DCC: variants seen among roughly 807,000 people sequenced by gnomAD.
DCC encodes netrin receptor DCC.
DCC carries 58 observed loss-of-function variants against 172.5 expected under a neutral mutation model. That is an observed-to-expected ratio of 0.34 (90% CI 0.27 to 0.42). DCC has a LOEUF of 0.42. Among genes scored for constraint, DCC ranks in the 10% least tolerant of loss-of-function variants. The pLI, the probability that DCC is intolerant of heterozygous loss-of-function variation, is 1.00. For missense variants in DCC, 1,740 were observed against 1,791.0 expected, an observed-to-expected ratio of 0.97 and a Z score of 0.51; for synonymous variants, 709 against 644.5, an observed-to-expected ratio of 1.10 and a Z score of -1.52.
In DCC at chr18:52,540,827, T is replaced by C. The variant is rs544871246; in HGVS notation, c.91+199949T>C. Among the ~76,000 whole-genome samples, 462 of 152,024 alleles carry C rather than the reference T, an allele frequency of 3.0e-3. 5 individuals carry two copies. Among genetic ancestry groups the C allele is most frequent in the Non-Finnish European group, 1.2e-3 (80 of 67,938 alleles). On this transcript the variant is annotated intron_variant, in intron 1 of 28. Transcript: ENST00000442544. ...TTCACTGTGTTAGTCAGGATGGTCTTGATCTCCTGACTTCGTGATCCGCCC... is the reference window on the plus strand; with the variant it reads ...TTCACTGTGTTAGTCAGGATGGTCTCGATCTCCTGACTTCGTGATCCGCCC...
rs2046536367 is a variant in DCC, at chr18:53,532,764, T to A, written c.*2111T>A. 6.6e-6 allele frequency: 1 copy of A among 150,502 alleles called. No individual in the cohort carries two copies. Among genetic ancestry groups the A allele is most frequent in the African/African-American group, 2.5e-5 (1 of 40,790 alleles). The allele number at this position is 150,502 out of a possible 1,614,324, so 9.3% of individuals were successfully genotyped here. A position where few individuals can be genotyped will look rare whatever the true frequency, so the allele number is the denominator to read the frequency against. On this transcript the variant is annotated 3_prime_UTR_variant, in exon 29 of 29. Coordinates refer to ENST00000442544, the MANE Select transcript of DCC (RefSeq NM_005215.4). The stretch of plus-strand genomic sequence containing the variant: ...TGCTCAGTTTGGAATAGGTTGCAAA[T>A]CTCAGATTTTAGGGATTGAGTCACA...
chr18:53,028,969 G>C (rs564136272), intron 5 of DCC, among the ~76,000 whole-genome samples: 1 of 152,136 alleles, frequency 6.6e-6, no homozygotes, highest in Non-Finnish European at 1.5e-5. Flanking sequence ...AGTTTTAAGA[G>C]GGAGAAATGC....
chr18:52,921,413 C>A (rs948868693), intron 3 of DCC, among the ~76,000 whole-genome samples: 1 of 151,698 alleles, frequency 6.6e-6, no homozygotes, highest in Non-Finnish European at 1.5e-5. Flanking sequence ...GAGTGGAAAA[C>A]CTCAGCTGGG....
chr18:53,129,331 A>G (rs1267266059), intron 7 of DCC, among the ~76,000 whole-genome samples: 1 of 152,064 alleles, frequency 6.6e-6, no homozygotes, highest in East Asian at 1.9e-4. Context: ...TTGAGGCATA[A>G]TTAATATACA....
chr18:52,343,695 TATTA>T (rs1983755451), intron 1 of DCC, among the ~76,000 whole-genome samples: 1 of 152,186 alleles, frequency 6.6e-6, no homozygotes, highest in African/African-American at 2.4e-5. Context: ...GAGGCATACA[TATTA>T]ATTAATTCTT....
At chr18:52,701,709 A>G (rs2036125507) in intron 1 of DCC, among the ~76,000 whole-genome samples, 1 of 28,380 alleles carries the variant, frequency 3.5e-5, no homozygotes, top group Non-Finnish European at 7.6e-5. Flanking sequence ...TTTAATCTTT[A>G]TTATGTTGGA....
intron 1 of DCC, among the ~76,000 whole-genome samples, chr18:52,610,361 G>C (rs1488325238): frequency 9.9e-6 from 1 of 100,516 alleles, no homozygotes; most frequent in African/African-American, 4.0e-5. Flanking sequence ...GAATGGGTGA[G>C]AGAGCGAGAC....
intron 2 of DCC, among the ~76,000 whole-genome samples, chr18:52,765,139 T>C (rs989388778): frequency 1.3e-5 from 2 of 151,638 alleles, no homozygotes; most frequent in African/African-American, 4.8e-5. Context: ...AGCCAAGTAA[T>C]TCTCCTGCCT....
intron 1 of DCC, among the ~76,000 whole-genome samples, chr18:52,527,171 T>A (rs926156394): frequency 1.3e-5 from 2 of 152,310 alleles, no homozygotes; most frequent in Middle Eastern, 3.4e-3. Flanking sequence ...AAGAAAAAAT[T>A]ACTGAGAGGG....
At position 52,644,306 on chromosome 18, in the gene DCC, T is replaced by C. The variant is rs576840471; in HGVS notation, c.92-107748T>C. On this transcript the variant is annotated intron_variant, in intron 1 of 28. Coordinates refer to ENST00000442544, the MANE Select transcript of DCC (RefSeq NM_005215.4). ...AAAGTTAGTGTGTAGAGGCTGGGTGTGATGGCTCACGCCTGTAATCCCAGC... is the reference window on the plus strand; with the variant it reads ...AAAGTTAGTGTGTAGAGGCTGGGTGCGATGGCTCACGCCTGTAATCCCAGC... Among the ~76,000 whole-genome samples, 182 of 152,226 alleles carry C rather than the reference T, an allele frequency of 1.2e-3. 3 individuals carry two copies. The highest frequency in any genetic ancestry group is 4.3e-3 in the African/African-American group (177 of 41,540).
chr18:53,382,862 A>T (rs564212070), intron 15 of DCC, among the ~76,000 whole-genome samples: 2 of 152,110 alleles, frequency 1.3e-5, no homozygotes, highest in Admixed American at 6.5e-5. Flanking sequence ...TAGAGTCTCA[A>T]TATCTTTAAC....
At chr18:52,970,321 G>T (rs2041009962) in intron 5 of DCC, among the ~76,000 whole-genome samples, 1 of 152,050 alleles carries the variant, frequency 6.6e-6, no homozygotes, top group African/African-American at 2.4e-5. Context: ...CACATGTAAA[G>T]ATAGTTCAGA....
chr18:53,046,832 G>A (rs1036015477), intron 5 of DCC, among the ~76,000 whole-genome samples: 3 of 151,806 alleles, frequency 2.0e-5, no homozygotes, highest in East Asian at 3.9e-4. Context: ...ATAGGAAACC[G>A]AAATCCAGGA....
intron 1 of DCC, among the ~76,000 whole-genome samples, chr18:52,389,840 A>G (rs1985961451): frequency 2.6e-5 from 4 of 152,084 alleles, no homozygotes; most frequent in Admixed American, 2.6e-4. Context: ...TCTGGCATAC[A>G]GTGTATATCT....
chr18:52,820,321 C>G (rs1179546635), intron 2 of DCC, among the ~76,000 whole-genome samples: 1 of 152,146 alleles, frequency 6.6e-6, no homozygotes, highest in Non-Finnish European at 1.5e-5. Flanking sequence ...ATGAAAATGT[C>G]TTTGCCTAAT....
intron 9 of DCC, among the ~76,000 whole-genome samples, chr18:53,193,899 G>C (rs1334003535): frequency 6.6e-6 from 1 of 152,074 alleles, no homozygotes; most frequent in African/African-American, 2.4e-5. Context: ...TTGACTGTCT[G>C]AAAAAAGATT....
At chr18:52,914,615 G>A (rs2040015256) in intron 3 of DCC, among the ~76,000 whole-genome samples, 1 of 151,814 alleles carries the variant, frequency 6.6e-6, no homozygotes, top group Admixed American at 6.6e-5. Flanking sequence ...CCCGTGATCA[G>A]TTTGGATTAG....
chr18:52,451,565 A>G (rs1988305927), intron 1 of DCC, among the ~76,000 whole-genome samples: 1 of 152,178 alleles, frequency 6.6e-6, no homozygotes, highest in South Asian at 2.1e-4. Flanking sequence ...GCTCTGTTCA[A>G]TAAGAGGACA....
chr18:52,597,615 A>G (rs1341744357), intron 1 of DCC, among the ~76,000 whole-genome samples: 1 of 152,228 alleles, frequency 6.6e-6, no homozygotes. Flanking sequence ...ATCGGGTGCC[A>G]AAAAGATTAG....
Sources: gnomAD v4.1 joint callset for allele counts (sites outside exome capture counted in the v4.1 genomes callset) on GRCh38, gnomAD v4.1.1 for gene constraint, MANE v1.5 for transcripts, NCBI Gene and HGNC (gene_info 2026-07-23, HGNC 2026-07-21) for gene names.